The following GPRIN2 variants were observed in gnomAD, a reference collection of about 807,000 sequenced individuals.
The protein encoded by GPRIN2 is G protein regulated inducer of neurite outgrowth 2.
GPRIN2 carries 1 observed loss-of-function variant against 0.3 expected under a neutral mutation model. That is an observed-to-expected ratio of 3.90 (90% CI 1.39 to 18.51). The LOEUF is 18.51. Among genes scored for constraint, GPRIN2 ranks in the 30% most tolerant of loss-of-function variants. The pLI, the probability that GPRIN2 is intolerant of heterozygous loss-of-function variation, is 0.11. For synonymous variants in GPRIN2, 361 were observed against 258.6 expected (o/e 1.40, Z -3.80); for missense variants, 880 against 604.2 (o/e 1.46, Z -4.79).
chr10:46,556,152 G>T (rs1389705611), intron 1 of GPRIN2, among the ~76,000 whole-genome samples: 1 of 152,310 alleles, frequency 6.6e-6, no homozygotes, highest in African/African-American at 2.4e-5. Flanking sequence ...GGCTGGGGGC[G>T]GGGTAGGCGG....
Position 46,547,541 on chromosome 10 carries a change from C to A in GPRIN2, c.*1819G>T, listed in dbSNP as rs1248925731. On this transcript the variant is annotated 3_prime_UTR_variant, in exon 3 of 3. Coordinates refer to ENST00000374314, the MANE Select transcript of GPRIN2 (RefSeq NM_001385282.1). Reference sequence around the variant, plus strand: ...TGACCAGGCTGTTCCATCTGCCAGGCAGGTCCTGCCCTCTCTCCACCCACC... The same window carrying A: ...TGACCAGGCTGTTCCATCTGCCAGGAAGGTCCTGCCCTCTCTCCACCCACC... 7.2e-5 allele frequency among the ~76,000 whole-genome samples: 11 copies of A among 152,300 alleles called. No individual in the cohort carries two copies. Among genetic ancestry groups the A allele is most frequent in the African/African-American group, 2.7e-4 (11 of 41,482 alleles).
Position 46,550,629 on chromosome 10 carries a change from C to A in GPRIN2, c.108G>T (p.Arg36Ser). 1 of 1,577,568 alleles carries A rather than the reference C, an allele frequency of 6.3e-7. No homozygotes were observed. The highest frequency in any genetic ancestry group is 2.3e-5 in the East Asian group (1 of 44,386). ...TGCTGGCAGTCTTGCGGAGCTCTGGCCTCTGTTCCCGGCCTTCACCCAGCA... is the reference window on the plus strand; with the variant it reads ...TGCTGGCAGTCTTGCGGAGCTCTGGACTCTGTTCCCGGCCTTCACCCAGCA... Reference protein sequence around the residue: ...SSLLGEGREQRPELRKTASST... With the variant: ...SSLLGEGREQSPELRKTASST... Residue 36 changes from arginine (R) to serine (S), a missense_variant, in exon 3 of 3, where the codon AGG becomes AGT. Transcript: ENST00000374314.
chr10:46,556,779 T>G (rs1843293019), upstream of GPRIN2, among the ~76,000 whole-genome samples: 2 of 152,218 alleles, frequency 1.3e-5, no homozygotes, highest in Non-Finnish European at 2.9e-5. Flanking sequence ...GCCCGGGATC[T>G]GCGTCCGCGC....
In GPRIN2 at chr10:46,548,877, G is replaced by A. The variant is rs1842402880; in HGVS notation, c.*483C>T. The stretch of plus-strand genomic sequence containing the variant: ...GGTGAAGACAGGACAAGCACAGTAT[G>A]TGGCACACAGGAGGCCTCTGATAAC... On this transcript the variant is annotated 3_prime_UTR_variant, in exon 3 of 3. Coordinates refer to ENST00000374314, the MANE Select transcript of GPRIN2 (RefSeq NM_001385282.1). Among the ~76,000 whole-genome samples the A allele has an allele frequency of 6.6e-6, 1 of 152,312 alleles. No individual in the cohort carries two copies. The highest frequency in any genetic ancestry group is 1.5e-5 in the Non-Finnish European group (1 of 68,058).
At position 46,542,076 on chromosome 10, in the gene GPRIN2, C is replaced by T. The variant is rs1163663665; in HGVS notation, c.*7284G>A. On this transcript the variant is annotated 3_prime_UTR_variant, in exon 3 of 3. Coordinates refer to ENST00000374314, the MANE Select transcript of GPRIN2 (RefSeq NM_001385282.1). ...TTGCAGGCTGGGCTTACAAAAGCCACAAAGCTTGTGTACAAAATGACACCC... is the reference window on the plus strand; with the variant it reads ...TTGCAGGCTGGGCTTACAAAAGCCATAAAGCTTGTGTACAAAATGACACCC... Among the ~76,000 whole-genome samples the T allele has an allele frequency of 6.6e-6, 1 of 152,418 alleles. No homozygotes were observed. Among genetic ancestry groups the T allele is most frequent in the South Asian group, 2.1e-4 (1 of 4,834 alleles).
chr10:46,549,466 C>A lies in GPRIN2; in HGVS notation c.1271G>T (p.Ser424Ile), dbSNP rs1832709895. The A allele has an allele frequency of 3.1e-6, 5 of 1,610,244 alleles. No individual in the cohort carries two copies. The South Asian group carries it at 5.5e-5, about 18-fold the overall frequency. Residue 424 changes from serine (S) to isoleucine (I), a missense_variant, in exon 3 of 3, where the codon AGC becomes ATC. Transcript: ENST00000374314. ...GCCCTCCACAGACAGGCTGTCCTCG[C>A]TGGCGGGCGCCCGCTGCAGCTGCTC... ...QFEQLQRAPASEDSLSVEGRR... is the reference protein window; with the variant it reads ...QFEQLQRAPAIEDSLSVEGRR...
Position 46,546,928 on chromosome 10 carries a change from C to T in GPRIN2, c.*2432G>A, listed in dbSNP as rs1832876148. 7.7e-3 allele frequency among the ~76,000 whole-genome samples: 1,166 copies of T among 151,748 alleles called. No homozygotes were observed. Among genetic ancestry groups the T allele is most frequent in the African/African-American group, 0.027 (1,103 of 40,994 alleles). On this transcript the variant is annotated 3_prime_UTR_variant, in exon 3 of 3. Coordinates refer to ENST00000374314, the MANE Select transcript of GPRIN2 (RefSeq NM_001385282.1). ...AGTGGGAGCTTGGCTGAGCCCAGCC[C>T]GGCCTGCCATCCTGGCAAGCCAGGG...
intron 2 of GPRIN2, among the ~76,000 whole-genome samples, chr10:46,552,422 A>C (rs1235638112): frequency 2.6e-5 from 4 of 152,428 alleles, no homozygotes; most frequent in African/African-American, 9.6e-5. Context: ...GCTGATAAAG[A>C]CTTCCAGGCA....
At chr10:46,553,585 C>T (rs1028045132) in intron 2 of GPRIN2, among the ~76,000 whole-genome samples, 6 of 152,310 alleles carry the variant, frequency 3.9e-5, no homozygotes, top group Non-Finnish European at 7.3e-5. Flanking sequence ...CCCACCAAGA[C>T]CCACTGAGAA....
rs141986818 is a variant in GPRIN2, at chr10:46,549,720, C to T, written c.1017G>A (p.Ala339=). The part of the protein sequence containing the change: ...PLSAQDAGVQ[A]APVAACKAVA... The stretch of plus-strand genomic sequence containing the variant: ...CAGCCTTGCAGGCCGCCACTGGGGC[C>T]GCCTGCACACCAGCATCCTGGGCTG... The change falls in exon 3 of 3, where the codon GCG becomes GCA. Residue 339 remains alanine, a synonymous_variant. Coordinates refer to ENST00000374314, the MANE Select transcript of GPRIN2 (RefSeq NM_001385282.1). The T allele has an allele frequency of 2.6e-3, 4,225 of 1,612,530 alleles. No individual in the cohort carries two copies. The East Asian group carries it at 0.071, about 27-fold the overall frequency.
At chr10:46,552,959 G>A (rs1292891347) in intron 2 of GPRIN2, among the ~76,000 whole-genome samples, 2 of 152,306 alleles carry the variant, frequency 1.3e-5, no homozygotes, top group Non-Finnish European at 2.9e-5. Context: ...AACAAAGGAG[G>A]GCAATAAAGC....
At position 46,547,996 on chromosome 10, in the gene GPRIN2, G is replaced by A. The variant is rs1373125976; in HGVS notation, c.*1364C>T. ...ACCTCAATGAGTACCAGGTCCTTGA[G>A]GATGGGGAAAAGTAAGCCACCACTG... is the stretch of plus-strand genomic sequence containing the variant. On this transcript the variant is annotated 3_prime_UTR_variant, in exon 3 of 3. Transcript: ENST00000374314. Among the ~76,000 whole-genome samples the A allele has an allele frequency of 1.3e-5, 2 of 152,310 alleles. No homozygotes were observed. The highest frequency in any genetic ancestry group is 4.8e-5 in the African/African-American group (2 of 41,486).
chr10:46,549,186 TGTGTAG>T lies in GPRIN2; in HGVS notation c.*168_*173del. 2.6e-5 allele frequency: 21 copies of T among 822,652 alleles called. No individual in the cohort carries two copies. The highest frequency in any genetic ancestry group is 3.6e-5 in the Non-Finnish European group (20 of 563,288). 51.0% of individuals were successfully genotyped at this position (822,652 alleles called of 1,614,324 possible). A position where few individuals can be genotyped will look rare whatever the true frequency, so the allele number is the denominator to read the frequency against. The stretch of plus-strand genomic sequence containing the variant: ...CAAGCCCTTAAGAAAACAGCCCAGC[TGTGTAG>T]GGCCGGAAGCCCCAGGCTGCAGTCC... On this transcript the variant is annotated 3_prime_UTR_variant, in exon 3 of 3. Coordinates refer to ENST00000374314, the MANE Select transcript of GPRIN2 (RefSeq NM_001385282.1).
At position 46,550,124 on chromosome 10, in the gene GPRIN2, T is replaced by C. The variant is rs1832476362; in HGVS notation, c.613A>G (p.Thr205Ala). The C allele has an allele frequency of 1.2e-6, 2 of 1,608,946 alleles. No individual in the cohort carries two copies. The highest frequency in any genetic ancestry group is 1.1e-5 in the South Asian group (1 of 90,686). ...SVPPLDLGDT[T>A]AHSSSAQAEP... Reference sequence around the variant, plus strand: ...GCCTGGGCACTGCTGCTGTGGGCAGTTGTGTCCCCCAGGTCTAGTGGTGGC... The same window carrying C: ...GCCTGGGCACTGCTGCTGTGGGCAGCTGTGTCCCCCAGGTCTAGTGGTGGC... The change falls in exon 3 of 3, where the codon ACT (threonine) becomes GCT (alanine). Residue 205 changes from threonine to alanine, a missense_variant. Transcript: ENST00000374314.
rs1213881808 is a variant in GPRIN2 at position 46,547,641 on chromosome 10, G to A, written c.*1719C>T. On this transcript the variant is annotated 3_prime_UTR_variant, in exon 3 of 3. Transcript: ENST00000374314. The stretch of plus-strand genomic sequence containing the variant: ...AAAGGTCCCTCCCCATGCACCCACA[G>A]CCATTTGTTCTCTCTCATGTGGCCC... Among the ~76,000 whole-genome samples, 3 of 152,306 alleles carry A rather than the reference G, an allele frequency of 2.0e-5. No individual in the cohort carries two copies. Among genetic ancestry groups the A allele is most frequent in the African/African-American group, 7.2e-5 (3 of 41,486 alleles).
rs1461303292 is a variant in GPRIN2 at position 46,543,557 on chromosome 10, C to CT, written c.*5802dup. On this transcript the variant is annotated 3_prime_UTR_variant, in exon 3 of 3. Coordinates refer to ENST00000374314, the MANE Select transcript of GPRIN2 (RefSeq NM_001385282.1). ...TCATAGGATGCAGAGAAAGCACACT[C>CT]TGTCTTTTCTCAGGAAAGCTGCAGG... Among the ~76,000 whole-genome samples the CT allele has an allele frequency of 6.6e-6, 1 of 152,304 alleles. No homozygotes were observed. Among genetic ancestry groups the CT allele is most frequent in the Non-Finnish European group, 1.5e-5 (1 of 68,058 alleles).
chr10:46,553,983 T>G (rs1200035564), intron 2 of GPRIN2, among the ~76,000 whole-genome samples: 3 of 152,306 alleles, frequency 2.0e-5, no homozygotes, highest in African/African-American at 7.2e-5. Flanking sequence ...GGCAGGGCTC[T>G]GCTTCCAATG....
Position 46,549,807 on chromosome 10 carries a change from G to C in GPRIN2, c.930C>G (p.Thr310=). ...CTGAGGTCATGGTCCACACATCTTT[G>C]GTCCTAGAGCCAGGCTCTGGGACTA... ...AGLVPEPGSR[T]KDVWTMTSAN... The change falls in exon 3 of 3, where the codon ACC becomes ACG. Residue 310 remains threonine, a synonymous_variant. Transcript: ENST00000374314. 1 of 1,614,200 alleles carries C rather than the reference G, an allele frequency of 6.2e-7. No individual in the cohort carries two copies. Among genetic ancestry groups the C allele is most frequent in the Non-Finnish European group, 8.5e-7 (1 of 1,180,062 alleles).
At chr10:46,556,346 C>A (rs1255941186) in intron 1 of GPRIN2, among the ~76,000 whole-genome samples, 152 bp downstream of exon 1, 3 of 152,306 alleles carry the variant, frequency 2.0e-5, no homozygotes, top group Admixed American at 6.5e-5. Flanking sequence ...TGCGATGCGG[C>A]CACCGGGGGC....
Sources: gnomAD v4.1 joint callset for allele counts (sites outside exome capture counted in the v4.1 genomes callset) on GRCh38, gnomAD v4.1.1 for gene constraint, MANE v1.5 for transcripts, NCBI Gene and HGNC (gene_info 2026-07-23, HGNC 2026-07-21) for gene names.